KLHDC4: variants seen among roughly 807,000 people sequenced by gnomAD.
KLHDC4 encodes kelch domain-containing protein 4.
A neutral mutation model predicts 62.4 loss-of-function variants in KLHDC4; 90 were observed. The ratio of observed to expected loss-of-function variants is 1.44; its 90% CI spans 1.22 to 1.72. The LOEUF (loss-of-function observed/expected upper bound fraction) is 1.72, where lower values mean the gene tolerates loss of function less well. Ranked by LOEUF, KLHDC4 falls within the 40% of genes most tolerant of loss-of-function variation. The pLI, the probability that KLHDC4 is intolerant of heterozygous loss-of-function variation, is 0.00. For synonymous variants in KLHDC4, 386 were observed against 284.4 expected (o/e 1.36, Z -3.59); for missense variants, 1,025 against 699.7 (o/e 1.47, Z -5.25).
chr16:87,763,389 G>C (rs1332232974), intron 1 of KLHDC4: 1 of 152,206 alleles, frequency 6.6e-6, no homozygotes, highest in African/African-American at 2.4e-5. Flanking sequence ...GATAATTTGA[G>C]GTCAGGAGTT....
At chr16:87,735,700 A>G (rs2041195047) in intron 5 of KLHDC4, among the ~76,000 whole-genome samples, 1 of 152,250 alleles carries the variant, frequency 6.6e-6, no homozygotes, top group Admixed American at 6.5e-5. Context: ...AGGCTTCTCA[A>G]AACTGCTGTC....
At position 87,748,764 on chromosome 16, in the gene KLHDC4, C is replaced by G; in HGVS notation, c.415G>C (p.Gly139Arg). 6.2e-7 allele frequency: 1 copy of G among 1,613,430 alleles called. No homozygotes were observed. The highest frequency in any genetic ancestry group is 8.5e-7 in the Non-Finnish European group (1 of 1,179,872). ...TCTCCGTTGGGAGAGGCAAACTCCC[C>G]TCCAAAGACCCACAGCTGTCCGCCA... The part of the protein sequence containing the change: ...QGGGQLWVFG[G>R]EFASPNGEQF... The change falls in exon 5 of 12, where the codon GGG (glycine) becomes CGG (arginine). Residue 139 changes from glycine to arginine, a missense_variant. Physicochemically the swap from Gly to Arg is moderately radical, Grantham distance 125. Transcript: ENST00000270583.
chr16:87,723,355 C>A (rs929593397), intron 7 of KLHDC4, among the ~76,000 whole-genome samples: 1 of 152,240 alleles, frequency 6.6e-6, no homozygotes, highest in African/African-American at 2.4e-5. Flanking sequence ...GATCACCCAC[C>A]GTCAGACTGA....
chr16:87,752,742 C>T (rs1396558389), intron 4 of KLHDC4, among the ~76,000 whole-genome samples: 1 of 152,188 alleles, frequency 6.6e-6, no homozygotes, highest in African/African-American at 2.4e-5. Flanking sequence ...AGTCTAAGAG[C>T]TTCGTATAGC....
At chr16:87,744,345 G>A (rs377690824) in intron 5 of KLHDC4, among the ~76,000 whole-genome samples, 8 of 151,938 alleles carry the variant, frequency 5.3e-5, no homozygotes, top group African/African-American at 1.9e-4. Context: ...AACCTCTGAG[G>A]TGGAGGTGGC....
chr16:87,714,273 G>T, intron 8 of KLHDC4: 1 of 573,036 alleles, frequency 1.7e-6, no homozygotes, highest in Non-Finnish European at 2.2e-6. Context: ...GTGCTTCTCA[G>T]TCAGTCCATC....
At chr16:87,758,095 G>C (rs1056911692) in intron 2 of KLHDC4, among the ~76,000 whole-genome samples, 5 of 152,150 alleles carry the variant, frequency 3.3e-5, no homozygotes, top group African/African-American at 1.2e-4. Flanking sequence ...GTGAGTTTGG[G>C]AAATCTGAGA....
intron 3 of KLHDC4, 159 bp from the exon 4 acceptor site, chr16:87,755,451 T>A (rs550632324): frequency 1.9e-6 from 1 of 516,962 alleles, no homozygotes; most frequent in Non-Finnish European, 3.5e-6. Context: ...CCCGGGGCCA[T>A]TGGGGATGAC....
In KLHDC4 at chr16:87,709,461, G is replaced by T. The variant is rs1223546265; in HGVS notation, c.1251C>A (p.Asp417Glu). The T allele has an allele frequency of 1.2e-6, 2 of 1,612,032 alleles. No homozygotes were observed. The highest frequency in any genetic ancestry group is 2.2e-5 in the East Asian group (1 of 44,878). ...CGGGGCTGCCGGCCTCCTCAAGGCT[G>T]TCTTCGTCCTCAGACCGGGGCTGCC... ...SAGQPRSEDE[D>E]SLEEAGSPAP... The change falls in exon 10 of 12, where the codon GAC (aspartate) becomes GAA (glutamate). Residue 417 changes from aspartate to glutamate, a missense_variant. Transcript: ENST00000270583.
chr16:87,764,646 CAAAAAAAAAAAAAAAA>C (rs564692904), intron 1 of KLHDC4, among the ~76,000 whole-genome samples: 11 of 33,818 alleles, frequency 3.3e-4, no homozygotes, highest in Admixed American at 5.5e-4. Context: ...GAAACTCCTT[CAAAAAAAAAAAAAAAA>C]AAAAAAAAAA....
At chr16:87,737,364 G>A (rs2041510433) in intron 5 of KLHDC4, among the ~76,000 whole-genome samples, 1 of 152,042 alleles carries the variant, frequency 6.6e-6, no homozygotes, top group Admixed American at 6.6e-5. Context: ...AAAGCAGCCA[G>A]ATCACTTGAA....
At chr16:87,750,645 G>A (rs945863328) in intron 4 of KLHDC4, among the ~76,000 whole-genome samples, 1 of 152,198 alleles carries the variant, frequency 6.6e-6, no homozygotes, top group African/African-American at 2.4e-5. Flanking sequence ...CGCCTCGGGT[G>A]GGGCAGACAG....
At chr16:87,738,582 A>C (rs1472713532) in intron 5 of KLHDC4, among the ~76,000 whole-genome samples, 2 of 150,454 alleles carry the variant, frequency 1.3e-5, no homozygotes, top group Non-Finnish European at 3.0e-5. Flanking sequence ...TCATCCATCC[A>C]CACACCAGCA....
At position 87,726,804 on chromosome 16, in the gene KLHDC4, G is replaced by C. The variant is rs1240747421; in HGVS notation, c.720C>G (p.Pro240=). ...PRSGCQMSVT[P]QGGIVVYGGY... The stretch of plus-strand genomic sequence containing the variant: ...CCCCATAGACGACGATGCCGCCCTG[G>C]GGAGTGACGGACATCTGGCAGCCTG... Residue 240 remains proline, a synonymous_variant, in exon 7 of 12, where the codon CCC becomes CCG. Transcript: ENST00000270583. 3.1e-6 allele frequency: 5 copies of C among 1,609,510 alleles called. No individual in the cohort carries two copies. The highest frequency in any genetic ancestry group is 4.2e-6 in the Non-Finnish European group (5 of 1,178,260).
intron 5 of KLHDC4, among the ~76,000 whole-genome samples, chr16:87,748,319 C>T (rs142338995): frequency 3.2e-3 from 486 of 152,322 alleles, no homozygotes; most frequent in South Asian, 0.011. Context: ...AATGACACAT[C>T]GCTATGGGGC....
At chr16:87,751,916 A>G (rs529165237) in intron 4 of KLHDC4, among the ~76,000 whole-genome samples, 3 of 151,642 alleles carry the variant, frequency 2.0e-5, no homozygotes, top group African/African-American at 4.8e-5. Flanking sequence ...TACTAAAAAT[A>G]CTAAAAAAAT....
chr16:87,734,903 A>C (rs2143007724), intron 5 of KLHDC4, among the ~76,000 whole-genome samples: 1 of 151,804 alleles, frequency 6.6e-6, no homozygotes, highest in South Asian at 2.1e-4. Flanking sequence ...GGAGCAAGAA[A>C]AGAACGCCCC....
At chr16:87,732,569 CAAATAACACAT>C (rs1430534816) in intron 5 of KLHDC4, among the ~76,000 whole-genome samples, 2 of 152,132 alleles carry the variant, frequency 1.3e-5, no homozygotes, top group Non-Finnish European at 2.9e-5. Flanking sequence ...CAATCACACA[CAAATAACACAT>C]AAATAACTAC....
At chr16:87,746,369 G>C (rs180918326) in intron 5 of KLHDC4, among the ~76,000 whole-genome samples, 1 of 151,748 alleles carries the variant, frequency 6.6e-6, no homozygotes, top group Non-Finnish European at 1.5e-5. Context: ...AAGAGAGAGA[G>C]AGCGAGAAAG....
Sources: gnomAD v4.1 joint callset for allele counts (sites outside exome capture counted in the v4.1 genomes callset) on GRCh38, gnomAD v4.1.1 for gene constraint, MANE v1.5 for transcripts, NCBI Gene and HGNC (gene_info 2026-07-23, HGNC 2026-07-21) for gene names.